The following CLK1 variants were observed in gnomAD, a reference collection of about 807,000 sequenced individuals.
CLK1 encodes CDC like kinase 1.
CLK1 carries 40 observed loss-of-function variants against 60.9 expected under a neutral mutation model. The observed-to-expected ratio is 0.66, with a 90% CI of 0.51 to 0.86. The LOEUF is 0.86. CLK1 is among the 40% of genes least tolerant of loss of function. CLK1 has a pLI of 0.00. For synonymous variants in CLK1, 203 were observed against 184.4 expected (o/e 1.10, Z -0.82); for missense variants, 563 against 606.1 (o/e 0.93, Z 0.75).
At chr2:200,854,392 C>G (rs953234378) in intron 11 of CLK1, among the ~76,000 whole-genome samples, 1 of 151,730 alleles carries the variant, frequency 6.6e-6, no homozygotes, top group African/African-American at 2.4e-5. Context: ...AAAAATTAGG[C>G]GGGCGTGGTG....
At chr2:200,861,630 CTTATT>C in intron 2 of CLK1, 67 bp downstream of exon 2, 2 of 1,577,740 alleles carry the variant, frequency 1.3e-6, no homozygotes, top group Admixed American at 3.6e-5. Context: ...TAATCAGGTA[CTTATT>C]TTAAGTGATA....
At chr2:200,864,347 G>C (rs2039194884) in intron 1 of CLK1, 1 of 1,292,164 alleles carries the variant, frequency 7.7e-7, no homozygotes, top group African/African-American at 1.5e-5. Context: ...AGCAAACACC[G>C]TAACTACCCC....
intron 1 of CLK1, among the ~76,000 whole-genome samples, chr2:200,862,405 G>C (rs1290519804): frequency 6.6e-6 from 1 of 151,098 alleles, no homozygotes; most frequent in Non-Finnish European, 1.5e-5. Flanking sequence ...CCCACCCTTA[G>C]GAAGGTTCTT....
chr2:200,861,771 C>T lies in CLK1; in HGVS notation c.92G>A (p.Arg31Lys), dbSNP rs2039142507. 4 of 1,613,940 alleles carry T rather than the reference C, an allele frequency of 2.5e-6. No homozygotes were observed. Among genetic ancestry groups the T allele is most frequent in the Admixed American group, 1.7e-5 (1 of 60,024 alleles). The change falls in exon 2 of 13, where the codon AGG (arginine) becomes AAG (lysine). Residue 31 changes from arginine (R) to lysine (K), a missense_variant. Arg to Lys is a conservative substitution (Grantham distance 26, BLOSUM62 2). This residue lies in a region of CLK1 where 198 missense variants were observed against 179.2 expected (regional missense o/e 1.10). Coordinates refer to ENST00000321356, the MANE Select transcript of CLK1 (RefSeq NM_004071.4). Reference sequence around the variant, plus strand: ...CTGGGCACTGCTATGTGATCTCTTCCTTCTTTTATGACTGCTGCTGCTCCT... The same window carrying T: ...CTGGGCACTGCTATGTGATCTCTTCTTTCTTTTATGACTGCTGCTGCTCCT... The part of the protein sequence containing the change: ...KWRSSSSHKR[R>K]KRSHSSAQEN...
intron 9 of CLK1, among the ~76,000 whole-genome samples, chr2:200,856,071 T>C (rs1030168317): frequency 1.2e-4 from 18 of 151,344 alleles, no homozygotes; most frequent in African/African-American, 4.1e-4. Flanking sequence ...TGGAATAAAA[T>C]AGGCATTAAA....
intron 1 of CLK1, chr2:200,864,283 A>T (rs879044334): frequency 6.7e-7 from 1 of 1,488,790 alleles, no homozygotes; most frequent in Non-Finnish European, 8.9e-7. Flanking sequence ...GTCCCGCGTC[A>T]GGCGGCGCCG....
At position 200,860,212 on chromosome 2, in the gene CLK1, T is replaced by A. The variant is rs969274632; in HGVS notation, c.394A>T (p.Ser132Cys). 3 of 1,613,924 alleles carry A rather than the reference T, an allele frequency of 1.9e-6. No homozygotes were observed. The highest frequency in any genetic ancestry group is 2.7e-5 in the African/African-American group (2 of 74,874). Residue 132 changes from serine to cysteine, a missense_variant, in exon 4 of 13, where the codon AGT (serine) becomes TGT (cysteine). Ser to Cys is a moderately radical substitution (Grantham distance 112). Coordinates refer to ENST00000321356, the MANE Select transcript of CLK1 (RefSeq NM_004071.4). The part of the protein sequence containing the change: ...STSHRRSHGK[S>C]HRRKRTRSVE... ...CTCCTGGTTCTTTTCCTTCGGTGAC[T>A]CTTCTGGAAACGTCAAGTGGGCGGC...
chr2:200,860,065 TA>T (rs2039110831), intron 4 of CLK1, 59 bp downstream of exon 4: 84 of 1,565,992 alleles, frequency 5.4e-5, no homozygotes, highest in Non-Finnish European at 7.2e-5. Flanking sequence ...CCTGAAAGCT[TA>T]ATCTATATAT....
Position 200,853,179 on chromosome 2 carries a change from A to C in CLK1, c.*127T>G. On this transcript the variant is annotated 3_prime_UTR_variant, in exon 13 of 13. Transcript: ENST00000321356. ...ATGTACTTAATGAACCAAATTACCC[A>C]AACAAAATAAACATGGCAATATAAA... is the stretch of plus-strand genomic sequence containing the variant. 1 of 694,252 alleles carries C rather than the reference A, an allele frequency of 1.4e-6. No individual in the cohort carries two copies. Among genetic ancestry groups the C allele is most frequent in the Non-Finnish European group, 2.3e-6 (1 of 443,830 alleles). The allele number at this position is 694,252 out of a possible 1,614,324, so 43.0% of individuals were successfully genotyped here.
intron 5 of CLK1, among the ~76,000 whole-genome samples, chr2:200,858,374 A>G (rs2039077809): frequency 6.6e-6 from 1 of 152,216 alleles, no homozygotes; most frequent in African/African-American, 2.4e-5. Context: ...GGTTGCCAAA[A>G]GAGTTAGGAT....
intron 3 of CLK1, 27 bp from the exon 4 acceptor site, chr2:200,860,242 A>T: frequency 1.2e-6 from 2 of 1,613,832 alleles, no homozygotes; most frequent in Middle Eastern, 3.3e-4. Flanking sequence ...GGCGGCACCA[A>T]GATCATCCAG....
chr2:200,854,020 GT>G, intron 11 of CLK1, 27 bp from the exon 12 acceptor site: 1 of 1,505,506 alleles, frequency 6.6e-7, no homozygotes, highest in Non-Finnish European at 9.2e-7. Flanking sequence ...ATCCATTCAT[GT>G]TTATAACACT....
At chr2:200,856,044 T>C (rs904762580) in intron 9 of CLK1, among the ~76,000 whole-genome samples, 1 of 151,306 alleles carries the variant, frequency 6.6e-6, no homozygotes, top group Non-Finnish European at 1.5e-5. Flanking sequence ...ATAAATTATA[T>C]AGTGTTATAT....
chr2:200,854,839 A>G, intron 10 of CLK1, 144 bp from the exon 11 acceptor site: 1 of 772,730 alleles, frequency 1.3e-6, no homozygotes, highest in Non-Finnish European at 2.2e-6. Context: ...TTGCTTATAT[A>G]CTGAAAGATG....
rs548889624 is a variant in CLK1, at chr2:200,858,715, CA to C, written c.549-627del. 5.2e-4 allele frequency among the ~76,000 whole-genome samples: 78 copies of C among 150,750 alleles called. 2 individuals are homozygous for C. The South Asian group carries it at 0.016, about 31-fold the overall frequency. On this transcript the variant is annotated intron_variant, in intron 5 of 12. Coordinates refer to ENST00000321356, the MANE Select transcript of CLK1 (RefSeq NM_004071.4). ...CCATCTCAGGGAAAAGAAAAATAAA[CA>C]AAAAAAGAGCTCTAGCTCTCATGTC...
intron 3 of CLK1, chr2:200,860,727 AT>A: frequency 1.0e-6 from 1 of 999,260 alleles, no homozygotes; most frequent in Non-Finnish European, 1.2e-6. Flanking sequence ...ACACTACGGC[AT>A]TTTTAATGTC....
chr2:200,859,305 G>A (rs1670511462), intron 5 of CLK1, among the ~76,000 whole-genome samples: 1 of 152,118 alleles, frequency 6.6e-6, no homozygotes, highest in South Asian at 2.1e-4. Context: ...TAGATTCCTA[G>A]GTAACTACCC....
chr2:200,854,391 G>C (rs1429184312), intron 11 of CLK1, among the ~76,000 whole-genome samples: 3 of 151,890 alleles, frequency 2.0e-5, no homozygotes. Context: ...AAAAAATTAG[G>C]CGGGCGTGGT....
At chr2:200,854,569 G>T (rs1004286082) in intron 11 of CLK1, 47 bp downstream of exon 11, 1 of 1,121,682 alleles carries the variant, frequency 8.9e-7, no homozygotes, top group Non-Finnish European at 1.3e-6. Context: ...CTAATCAGCA[G>T]ATGTGATCAA....
Sources: allele counts gnomAD v4.1 joint callset (sites outside exome capture counted in the v4.1 genomes callset), GRCh38; gene constraint gnomAD v4.1.1; regional missense constraint gnomAD v4.1.1; transcripts MANE v1.5; gene names NCBI Gene and HGNC (gene_info 2026-07-23, HGNC 2026-07-21).